The following IL1R1 variants were observed in gnomAD, a reference collection of about 807,000 sequenced individuals.
IL1R1 encodes the protein interleukin 1 receptor type 1, also known as interleukin-1 receptor type 1.
In IL1R1, 22 loss-of-function variants were observed where a neutral mutation model predicts 50.2. The observed-to-expected ratio is 0.44, with a 90% confidence interval of 0.31 to 0.63. The LOEUF (loss-of-function observed/expected upper bound fraction) is 0.63, where lower values mean the gene tolerates loss of function less well. IL1R1 is among the 20% of genes least tolerant of loss of function. The pLI is 0.07. For synonymous variants in IL1R1, 251 were observed against 236.7 expected, an observed-to-expected ratio of 1.06 and a Z score of -0.55; for missense variants, 509 against 676.2, an observed-to-expected ratio of 0.75 and a Z score of 2.74.
At chr2:102,176,311 A>G (rs1285997616) in intron 11 of IL1R1, 42 bp from the exon 12 acceptor site, 11 of 1,567,866 alleles carry the variant, frequency 7.0e-6, no homozygotes, top group Non-Finnish European at 9.6e-6. Context: ...GAATGATGAT[A>G]AATAGAATTT....
At chr2:102,076,057 A>G (rs1678942448) in intron 1 of IL1R1, among the ~76,000 whole-genome samples, 1 of 152,166 alleles carries the variant, frequency 6.6e-6, no homozygotes, top group African/African-American at 2.4e-5. Context: ...TTTTCCTTCT[A>G]CATATGTTAT....
intron 1 of IL1R1, among the ~76,000 whole-genome samples, chr2:102,127,685 G>GTGTGTGAC (rs906885546): frequency 3.3e-5 from 5 of 151,480 alleles, no homozygotes; most frequent in African/African-American, 1.2e-4. Flanking sequence ...GTGTGTGTGT[G>GTGTGTGAC]TGTGTGTGTG....
At chr2:102,080,569 A>T (rs1679160282) in intron 1 of IL1R1, among the ~76,000 whole-genome samples, 3 of 152,194 alleles carry the variant, frequency 2.0e-5, no homozygotes, top group Admixed American at 1.3e-4. Flanking sequence ...GAAATAATAA[A>T]TGTTAGTGAG....
In IL1R1 at chr2:102,081,631, G is replaced by T. The variant is rs137972565; in HGVS notation, c.-84+11098G>T. On this transcript the variant is annotated intron_variant, in intron 1 of 11. Coordinates refer to the IL1R1 transcript ENST00000409929. The stretch of plus-strand genomic sequence containing the variant: ...TATCCAGCTTCCTGACAAAGAAAAG[G>T]GCTAGGGGATTTGCCCCCACCCTGT... 1.2e-4 allele frequency among the ~76,000 whole-genome samples: 18 copies of T among 152,294 alleles called. No homozygotes were observed. In the East Asian group the frequency reaches 3.5e-3, roughly 29 times the overall value.
At chr2:102,077,604 T>G (rs1013177449) in intron 1 of IL1R1, among the ~76,000 whole-genome samples, 6 of 152,256 alleles carry the variant, frequency 3.9e-5, no homozygotes, top group Non-Finnish European at 1.5e-5. Flanking sequence ...CTGTGTTAGT[T>G]CTGCATCAGT....
intron 7 of IL1R1, among the ~76,000 whole-genome samples, chr2:102,170,219 T>C (rs1685555424): frequency 6.6e-6 from 1 of 152,226 alleles, no homozygotes; most frequent in South Asian, 2.1e-4. Context: ...ATACCATTAC[T>C]CCTAAAATGA....
chr2:102,113,937 T>C (rs1046261997), intron 1 of IL1R1, among the ~76,000 whole-genome samples: 5 of 152,216 alleles, frequency 3.3e-5, no homozygotes, highest in Non-Finnish European at 7.3e-5. Flanking sequence ...AATTTGAACA[T>C]GGGTCTGTTG....
intron 11 of IL1R1, 24 bp from the exon 12 acceptor site, chr2:102,176,329 T>A: frequency 1.9e-6 from 3 of 1,602,156 alleles, no homozygotes; most frequent in Non-Finnish European, 2.6e-6. Context: ...TTTTACTTAC[T>A]ATATTGTGCT....
chr2:102,126,661 G>C (rs1415374847), intron 1 of IL1R1, among the ~76,000 whole-genome samples: 2 of 151,252 alleles, frequency 1.3e-5, no homozygotes, highest in East Asian at 3.9e-4. Context: ...AAAATGTCTA[G>C]TAGCCCCAAC....
At chr2:102,120,244 C>T (rs545644375) in intron 1 of IL1R1, among the ~76,000 whole-genome samples, 2 of 151,854 alleles carry the variant, frequency 1.3e-5, no homozygotes, top group Admixed American at 6.6e-5. Context: ...GTTTCATGAA[C>T]GTGTGTGTGG....
intron 1 of IL1R1, among the ~76,000 whole-genome samples, chr2:102,105,719 G>A (rs1468555822): frequency 6.6e-6 from 1 of 152,162 alleles, no homozygotes; most frequent in Non-Finnish European, 1.5e-5. Flanking sequence ...AAGGTATAAT[G>A]CATTGTATTG....
chr2:102,098,237 A>G (rs1402013727), intron 1 of IL1R1, among the ~76,000 whole-genome samples: 1 of 152,180 alleles, frequency 6.6e-6, no homozygotes, highest in East Asian at 1.9e-4. Context: ...GAAACCAGGA[A>G]GAGAGGAGGT....
rs189714357 is a variant in IL1R1, at chr2:102,093,962, G to C, written c.-84+23429G>C. 1.5e-3 allele frequency among the ~76,000 whole-genome samples: 230 copies of C among 152,296 alleles called. No individual in the cohort carries two copies. In the Middle Eastern group the frequency reaches 0.017, roughly 11 times the overall value. The stretch of plus-strand genomic sequence containing the variant: ...CGGTTCCAGAACCTGCCTCCGTCCT[G>C]AGCTTCACCTGCAGCAGAAATACAC... On this transcript the variant is annotated intron_variant, in intron 1 of 11. Coordinates refer to the IL1R1 transcript ENST00000409929.
chr2:102,174,506 G>A, intron 9 of IL1R1, 81 bp from the exon 10 acceptor site: 1 of 1,059,740 alleles, frequency 9.4e-7, no homozygotes, highest in Non-Finnish European at 1.3e-6. Flanking sequence ...CTGAGACGAA[G>A]ATATTTAATT....
At chr2:102,157,341 A>G (rs1684289433) in intron 2 of IL1R1, among the ~76,000 whole-genome samples, 2 of 152,190 alleles carry the variant, frequency 1.3e-5, no homozygotes, top group South Asian at 2.1e-4. Flanking sequence ...TGGGGAACCA[A>G]TCCCCACACA....
In IL1R1 at chr2:102,096,763, T is replaced by C. The variant is rs190650235; in HGVS notation, c.-84+26230T>C. ...ATATTTTAAAGCCTTTGAGTCTTTT[T>C]AAAACTTTTAATTTTACCATCCTGA... On this transcript the variant is annotated intron_variant, in intron 1 of 11. Transcript: ENST00000409929. Among the ~76,000 whole-genome samples the C allele has an allele frequency of 8.3e-4, 127 of 152,236 alleles. 1 individual carries two copies. Among genetic ancestry groups the C allele is most frequent in the East Asian group, 7.7e-4 (4 of 5,186 alleles).
At chr2:102,166,307 G>T in intron 6 of IL1R1, 26 bp downstream of exon 6, 1 of 1,569,970 alleles carries the variant, frequency 6.4e-7, no homozygotes, top group South Asian at 1.2e-5. Flanking sequence ...AGCCCTAAAA[G>T]GTTTAGATCT....
intron 1 of IL1R1, among the ~76,000 whole-genome samples, chr2:102,098,772 T>G (rs1400404304): frequency 6.6e-6 from 1 of 152,252 alleles, no homozygotes; most frequent in Non-Finnish European, 1.5e-5. Flanking sequence ...TTTCCATCTA[T>G]TCTTTATGTC....
intron 1 of IL1R1, among the ~76,000 whole-genome samples, chr2:102,130,189 A>T (rs529399418): frequency 1.3e-5 from 2 of 152,348 alleles, no homozygotes; most frequent in Admixed American, 1.3e-4. Context: ...TATGAAAAAG[A>T]CACATACCAT....
Sources: allele counts gnomAD v4.1 joint callset (sites outside exome capture counted in the v4.1 genomes callset), GRCh38; gene constraint gnomAD v4.1.1; transcripts MANE v1.5; gene names NCBI Gene and HGNC (gene_info 2026-07-23, HGNC 2026-07-21).